OLA1: variants seen among roughly 807,000 people sequenced by gnomAD.
OLA1 encodes the protein obg-like ATPase 1.
In OLA1, 14 loss-of-function variants were observed where a neutral mutation model predicts 48.4. That is an observed-to-expected ratio of 0.29 (90% CI 0.19 to 0.45). The LOEUF (loss-of-function observed/expected upper bound fraction) is 0.45. Ranked by LOEUF, OLA1 falls within the 20% of genes least tolerant of loss-of-function variation. OLA1 has a pLI of 1.00. For missense variants in OLA1, 325 were observed against 467.1 expected, an observed-to-expected ratio of 0.70 and a Z score of 2.80; for synonymous variants, 127 against 150.4, an observed-to-expected ratio of 0.84 and a Z score of 1.14.
rs78208239 is a variant in OLA1 at position 174,188,715 on chromosome 2, C to G, written c.373+34318G>C. ...GCTGAGATACTGACACCTTTGCTTT[C>G]TGATGGTTTGACATATACAAACTTT... On this transcript the variant is annotated intron_variant, in intron 4 of 10. Transcript: ENST00000284719. 3.0e-3 allele frequency among the ~76,000 whole-genome samples: 461 copies of G among 152,194 alleles called. 5 individuals are homozygous for G. The highest frequency in any genetic ancestry group is 1.0e-2 in the African/African-American group (415 of 41,534).
At chr2:174,179,997 A>T (rs1478086735) in intron 4 of OLA1, among the ~76,000 whole-genome samples, 1 of 152,084 alleles carries the variant, frequency 6.6e-6, no homozygotes, top group East Asian at 1.9e-4. Flanking sequence ...CAAATTTATA[A>T]GAAATCTGTT....
chr2:174,152,207 G>C (rs562074948), intron 4 of OLA1, among the ~76,000 whole-genome samples: 1 of 152,246 alleles, frequency 6.6e-6, no homozygotes, highest in South Asian at 2.1e-4. Context: ...AGGAGTTCGA[G>C]ACCAGCCTGG....
chr2:174,159,478 C>G (rs1302602100), intron 4 of OLA1, among the ~76,000 whole-genome samples: 2 of 152,146 alleles, frequency 1.3e-5, no homozygotes, highest in Non-Finnish European at 2.9e-5. Flanking sequence ...CTGCATGCAA[C>G]ACCATACACA....
chr2:174,162,718 G>A (rs1687041592), intron 4 of OLA1, among the ~76,000 whole-genome samples: 1 of 152,056 alleles, frequency 6.6e-6, no homozygotes, highest in Non-Finnish European at 1.5e-5. Context: ...ACCCCTCTAT[G>A]GTATAGGAAA....
At chr2:174,245,322 A>C (rs1689102330) in intron 2 of OLA1, among the ~76,000 whole-genome samples, 1 of 152,208 alleles carries the variant, frequency 6.6e-6, no homozygotes, top group African/African-American at 2.4e-5. Context: ...AGCTCCAGGA[A>C]AGACTGAAAT....
At chr2:174,241,435 A>T (rs1689000043) in intron 2 of OLA1, among the ~76,000 whole-genome samples, 1 of 152,138 alleles carries the variant, frequency 6.6e-6, no homozygotes, top group Non-Finnish European at 1.5e-5. Context: ...CTTTTCCCTC[A>T]GCAATGGTAA....
intron 7 of OLA1, among the ~76,000 whole-genome samples, chr2:174,119,156 C>T (rs1685850868): frequency 1.3e-5 from 2 of 151,024 alleles, no homozygotes; most frequent in Non-Finnish European, 3.0e-5. Context: ...TTCTTTCAGC[C>T]TTCCATCTCC....
chr2:174,163,018 T>G (rs1255580176), intron 4 of OLA1, among the ~76,000 whole-genome samples: 3 of 152,154 alleles, frequency 2.0e-5, no homozygotes, highest in Non-Finnish European at 2.9e-5. Context: ...CACTCCAGCC[T>G]GGGCAACAGA....
chr2:174,237,661 G>A (rs1339177496), intron 2 of OLA1, among the ~76,000 whole-genome samples: 2 of 152,166 alleles, frequency 1.3e-5, no homozygotes, highest in Non-Finnish European at 2.9e-5. Context: ...GGCTGAGGCA[G>A]GAGGATTGCT....
chr2:174,179,319 G>T (rs762716212), intron 4 of OLA1, among the ~76,000 whole-genome samples: 4 of 151,738 alleles, frequency 2.6e-5, no homozygotes, highest in Non-Finnish European at 5.9e-5. Flanking sequence ...AAATAGAAAC[G>T]TCTCAAAATA....
At chr2:174,163,711 AATATATATATATATATATAT>A (rs58320338) in intron 4 of OLA1, among the ~76,000 whole-genome samples, 691 of 34,186 alleles carry the variant, frequency 0.02, 14 homozygotes, top group Non-Finnish European at 0.025. Context: ...TAAATAAATA[AATATATATATATATATATAT>A]ATATATATAT....
chr2:174,217,364 C>T lies in OLA1; in HGVS notation c.373+5669G>A, dbSNP rs138907237. On this transcript the variant is annotated intron_variant, in intron 4 of 10. Coordinates refer to ENST00000284719, the MANE Select transcript of OLA1 (RefSeq NM_013341.5). ...CAGGTATGAGCCACTATACCCAGCC[C>T]TATTTTCATTTTTAAATCAATACAA... Among the ~76,000 whole-genome samples the T allele has an allele frequency of 7.2e-5, 11 of 152,158 alleles. No individual in the cohort carries two copies. The East Asian group carries it at 1.3e-3, about 19-fold the overall frequency.
At chr2:174,146,370 G>A (rs975266753) in intron 4 of OLA1, among the ~76,000 whole-genome samples, 5 of 152,214 alleles carry the variant, frequency 3.3e-5, no homozygotes, top group Non-Finnish European at 7.3e-5. Flanking sequence ...AAGAATGACT[G>A]CAGACAAAGT....
chr2:174,153,168 C>T (rs1340021494), intron 4 of OLA1, among the ~76,000 whole-genome samples: 4 of 152,064 alleles, frequency 2.6e-5, no homozygotes, highest in African/African-American at 7.2e-5. Flanking sequence ...AGGACTTTCA[C>T]GCAAAGTAAA....
At chr2:174,116,441 T>C (rs541899196) in intron 7 of OLA1, among the ~76,000 whole-genome samples, 2 of 152,200 alleles carry the variant, frequency 1.3e-5, no homozygotes, top group Admixed American at 1.3e-4. Context: ...AATATAGATA[T>C]GCCAATTCAC....
intron 7 of OLA1, among the ~76,000 whole-genome samples, chr2:174,087,530 T>C (rs1440019541): frequency 2.0e-5 from 3 of 150,454 alleles, no homozygotes; most frequent in Non-Finnish European, 4.5e-5. Context: ...AACTTTTTTT[T>C]GACCACACCC....
At chr2:174,201,358 G>A (rs559416484) in intron 4 of OLA1, among the ~76,000 whole-genome samples, 1 of 152,300 alleles carries the variant, frequency 6.6e-6, no homozygotes, top group East Asian at 1.9e-4. Context: ...AAGAGACAGT[G>A]TCTGGGTCTT....
chr2:174,120,000 A>G (rs1050649731), intron 7 of OLA1, among the ~76,000 whole-genome samples: 1 of 151,990 alleles, frequency 6.6e-6, no homozygotes, highest in African/African-American at 2.4e-5. Flanking sequence ...CTAAAAGTTT[A>G]GTTATATTTT....
intron 4 of OLA1, among the ~76,000 whole-genome samples, chr2:174,183,496 G>A (rs951650252): frequency 6.6e-6 from 1 of 152,178 alleles, no homozygotes; most frequent in East Asian, 1.9e-4. Context: ...AGCATTAGTG[G>A]CCTTTATCTC....
Sources: allele counts gnomAD v4.1 joint callset (sites outside exome capture counted in the v4.1 genomes callset), GRCh38; gene constraint gnomAD v4.1.1; transcripts MANE v1.5; gene names NCBI Gene and HGNC (gene_info 2026-07-23, HGNC 2026-07-21).